SLC38A8: variants seen among roughly 807,000 people sequenced by gnomAD.
The protein encoded by SLC38A8 is solute carrier family 38 member 8.
Under a neutral mutation model 46.0 loss-of-function variants are expected in SLC38A8, and 65 were observed. That is an observed-to-expected ratio of 1.41 (90% CI 1.16 to 1.74). SLC38A8 has a LOEUF of 1.74. SLC38A8 is among the 40% of genes most tolerant of loss of function. SLC38A8 has a pLI of 0.00. For missense variants in SLC38A8, 998 were observed against 567.9 expected (o/e 1.76, Z -7.70); for synonymous variants, 447 against 243.7 (o/e 1.83, Z -7.77).
chr16:84,039,384 T>A (rs937235247), intron 2 of SLC38A8, among the ~76,000 whole-genome samples: 5 of 152,194 alleles, frequency 3.3e-5, no homozygotes, highest in Admixed American at 1.3e-4. Context: ...CTGGGTGGTA[T>A]CCTTTTTTCT....
At position 84,022,566 on chromosome 16, in the gene SLC38A8, T is replaced by G. The variant is rs542374613; in HGVS notation, c.805+209A>C. 2.6e-5 allele frequency among the ~76,000 whole-genome samples: 4 copies of G among 152,326 alleles called. No individual in the cohort carries two copies. In the South Asian group the frequency reaches 8.3e-4, roughly 32 times the overall value. On this transcript the variant is annotated intron_variant, in intron 7 of 10. Coordinates refer to ENST00000299709, the MANE Select transcript of SLC38A8 (RefSeq NM_001080442.3). ...GCTTTGCAGATCTAGCTGTGAAACC[T>G]CGAACAAGTTCTGGAGGGCACCTGA... is the stretch of plus-strand genomic sequence containing the variant.
At chr16:84,025,100 G>A (rs929478319) in intron 6 of SLC38A8, among the ~76,000 whole-genome samples, 1 of 152,196 alleles carries the variant, frequency 6.6e-6, no homozygotes, top group Non-Finnish European at 1.5e-5. Context: ...AGAGAATACT[G>A]ATGTACAGCC....
At position 84,017,245 on chromosome 16, in the gene SLC38A8, TCAG is replaced by T. The variant is rs587777257; in HGVS notation, c.845_847del (p.Ala282del). ...ATTGCCTGGGTAGGACATCAAGACGTCAGCAGAAACTTCTGTCCCAAAAGTCAG... is the reference window on the plus strand; with the variant it reads ...ATTGCCTGGGTAGGACATCAAGACGTCAGAAACTTCTGTCCCAAAAGTCAG... On this transcript the variant is annotated inframe_deletion, in exon 8 of 11. Coordinates refer to ENST00000299709, the MANE Select transcript of SLC38A8 (RefSeq NM_001080442.3). The T allele has an allele frequency of 1.2e-6, 2 of 1,613,970 alleles. No individual in the cohort carries two copies. Among genetic ancestry groups the T allele is most frequent in the Non-Finnish European group, 1.7e-6 (2 of 1,179,994 alleles).
At chr16:84,038,575 T>C (rs1218657309) in intron 2 of SLC38A8, among the ~76,000 whole-genome samples, 1 of 152,170 alleles carries the variant, frequency 6.6e-6, no homozygotes, top group Non-Finnish European at 1.5e-5. Context: ...TCACCGGCCT[T>C]TTCTCTTGTA....
chr16:84,012,236 C>T (rs895034734), intron 10 of SLC38A8, among the ~76,000 whole-genome samples: 1 of 152,232 alleles, frequency 6.6e-6, no homozygotes, highest in Non-Finnish European at 1.5e-5. Flanking sequence ...CCCAGAACCC[C>T]AGACTACCCA....
intron 10 of SLC38A8, among the ~76,000 whole-genome samples, chr16:84,010,230 G>C (rs897506979): frequency 2.6e-5 from 4 of 151,432 alleles, no homozygotes; most frequent in Non-Finnish European, 4.4e-5. Flanking sequence ...ACGATGACAC[G>C]AGGCCAATTT....
At chr16:84,023,223 C>T (rs73247332) in intron 6 of SLC38A8, among the ~76,000 whole-genome samples, 17,068 of 151,864 alleles carry the variant, frequency 0.11, 1,023 homozygotes, top group South Asian at 0.17. Flanking sequence ...TACCTGCCCA[C>T]CTTATCTAAA....
chr16:84,017,478 AC>A (rs1490377018), intron 7 of SLC38A8, among the ~76,000 whole-genome samples, 191 bp from the exon 8 acceptor site: 2 of 152,022 alleles, frequency 1.3e-5, no homozygotes, highest in Non-Finnish European at 2.9e-5. Context: ...GGGATTCAAG[AC>A]CCCTGCAGAC....
At chr16:84,030,272 C>G (rs1293668112) in intron 5 of SLC38A8, among the ~76,000 whole-genome samples, 1 of 152,144 alleles carries the variant, frequency 6.6e-6, no homozygotes, top group Non-Finnish European at 1.5e-5. Flanking sequence ...GGAGCATGGC[C>G]TGACCACACT....
chr16:84,029,516 G>A lies in SLC38A8; in HGVS notation c.668C>T (p.Pro223Leu). 1.2e-6 allele frequency: 2 copies of A among 1,614,088 alleles called. No individual in the cohort carries two copies. Among genetic ancestry groups the A allele is most frequent in the African/African-American group, 1.3e-5 (1 of 75,018 alleles). The change falls in exon 6 of 11, where the codon CCC becomes CTC. Residue 223 changes from proline to leucine, a missense_variant. Pro to Leu is a moderately conservative substitution (Grantham distance 98). Coordinates refer to ENST00000299709, the MANE Select transcript of SLC38A8 (RefSeq NM_001080442.3). Reference sequence around the variant, plus strand: ...TACCTGAAACCCGAAGCAGATGGTGGGGAAGACACTGAACACAGAGGTCCA... The same window carrying A: ...TACCTGAAACCCGAAGCAGATGGTGAGGAAGACACTGAACACAGAGGTCCA... ...ASWTSVFSVF[P>L]TICFGFQCHE...
chr16:84,036,738 C>T lies in SLC38A8; in HGVS notation c.352G>A (p.Ala118Thr). 1 of 1,614,212 alleles carries T rather than the reference C, an allele frequency of 6.2e-7. No homozygotes were observed. The highest frequency in any genetic ancestry group is 8.5e-7 in the Non-Finnish European group (1 of 1,180,040). Residue 118 changes from alanine (A) to threonine (T), a missense_variant, in exon 3 of 11, where the codon GCC (alanine) becomes ACC (threonine). Transcript: ENST00000299709. ...FLLNLLMISV[A>T]FLRVIGDQLE... ...TGGTCCCCGATCACCCTGAGGAAGG[C>T]CACGGAGATCATGAGCAGGTTGAGG...
intron 5 of SLC38A8, among the ~76,000 whole-genome samples, chr16:84,029,777 A>G (rs1372949777): frequency 1.3e-5 from 2 of 152,174 alleles, no homozygotes; most frequent in Non-Finnish European, 2.9e-5. Context: ...GTAACATGAC[A>G]TTTTACATGT....
chr16:84,030,594 C>T (rs1308699308), intron 5 of SLC38A8, among the ~76,000 whole-genome samples: 1 of 152,096 alleles, frequency 6.6e-6, no homozygotes, highest in Non-Finnish European at 1.5e-5. Flanking sequence ...AGGGACCCGC[C>T]CTGCTCAGTC....
intron 6 of SLC38A8, among the ~76,000 whole-genome samples, chr16:84,025,086 G>C (rs905959609): frequency 6.6e-6 from 1 of 152,190 alleles, no homozygotes; most frequent in Non-Finnish European, 1.5e-5. Flanking sequence ...TTCACGAACA[G>C]CCAAGAGAAT....
chr16:84,013,440 T>TTTTTTTGTTG (rs2084981530), intron 9 of SLC38A8, among the ~76,000 whole-genome samples: 1 of 141,670 alleles, frequency 7.1e-6, no homozygotes, highest in Non-Finnish European at 1.5e-5. Flanking sequence ...TTTTTTTTTT[T>TTTTTTTGTTG]TTTTTTTTTG....
chr16:84,016,998 T>C (rs1337664612), intron 8 of SLC38A8, 142 bp downstream of exon 8: 33 of 1,249,754 alleles, frequency 2.6e-5, no homozygotes, highest in Non-Finnish European at 3.3e-5. Context: ...TCTACCTAAA[T>C]CCTCTGTGCC....
Position 84,019,636 on chromosome 16 carries a change from G to C in SLC38A8, c.806-2349C>G, listed in dbSNP as rs977714744. ...TCCTCCTCGCAGATAAATACCCCAT[G>C]GTTATTCCAACCCCATGACCCCAAA... is the stretch of plus-strand genomic sequence containing the variant. On this transcript the variant is annotated intron_variant, in intron 7 of 10. Transcript: ENST00000299709. Among the ~76,000 whole-genome samples the C allele has an allele frequency of 3.3e-5, 5 of 152,262 alleles. No homozygotes were observed. In the South Asian group the frequency reaches 6.2e-4, roughly 19 times the overall value.
At position 84,011,439 on chromosome 16, in the gene SLC38A8, G is replaced by A. The variant is rs571116604; in HGVS notation, c.1214+1562C>T. Among the ~76,000 whole-genome samples, 4 of 152,286 alleles carry A rather than the reference G, an allele frequency of 2.6e-5. No homozygotes were observed. The East Asian group carries it at 7.7e-4, about 29-fold the overall frequency. On this transcript the variant is annotated intron_variant, in intron 10 of 10. Transcript: ENST00000299709. Reference sequence around the variant, plus strand: ...CTGCTCTCAAATCCAGAAGAAACCGGGCCAGGCCTGCTCCTTTGCAAAAAC... The same window carrying A: ...CTGCTCTCAAATCCAGAAGAAACCGAGCCAGGCCTGCTCCTTTGCAAAAAC...
intron 3 of SLC38A8, among the ~76,000 whole-genome samples, chr16:84,035,655 G>C (rs959857291): frequency 1.3e-5 from 2 of 152,210 alleles, no homozygotes; most frequent in Non-Finnish European, 2.9e-5. Context: ...CAAAGAATGA[G>C]AAGAGAACTT....
Sources: gnomAD v4.1 joint callset for allele counts (sites outside exome capture counted in the v4.1 genomes callset) on GRCh38, gnomAD v4.1.1 for gene constraint, MANE v1.5 for transcripts, NCBI Gene and HGNC (gene_info 2026-07-23, HGNC 2026-07-21) for gene names.